Variants in EPHA7 observed in about 807,000 individuals in gnomAD.
EPHA7 encodes the protein ephrin type-A receptor 7.
In EPHA7, 25 loss-of-function variants were observed where a neutral mutation model predicts 112.6. The observed-to-expected ratio is 0.22, with a 90% CI of 0.16 to 0.31. EPHA7 has a LOEUF of 0.31. Among genes scored for constraint, EPHA7 ranks in the 10% least tolerant of loss-of-function variants. The pLI is 1.00. For synonymous variants in EPHA7, 437 were observed against 406.5 expected (o/e 1.07, Z -0.90); for missense variants, 962 against 1,212.6 (o/e 0.79, Z 3.07).
chr6:93,328,927 G>A (rs1007708877), intron 5 of EPHA7, among the ~76,000 whole-genome samples: 1 of 151,176 alleles, frequency 6.6e-6, no homozygotes, highest in African/African-American at 2.4e-5. Context: ...TATTAAGGAG[G>A]GAAGAGAAAA....
chr6:93,327,273 A>C (rs1774368178), intron 5 of EPHA7, among the ~76,000 whole-genome samples: 1 of 151,460 alleles, frequency 6.6e-6, no homozygotes, highest in Non-Finnish European at 1.5e-5. Flanking sequence ...CTGAGCATCA[A>C]ATTGAATTTT....
intron 5 of EPHA7, among the ~76,000 whole-genome samples, chr6:93,298,240 G>A (rs573151560): frequency 6.0e-4 from 91 of 152,244 alleles, no homozygotes; most frequent in Non-Finnish European, 9.3e-4. Context: ...GAATAGATTA[G>A]TGGGAGCCGA....
intron 3 of EPHA7, among the ~76,000 whole-genome samples, chr6:93,393,576 T>A (rs1582658550): frequency 1.3e-5 from 2 of 151,960 alleles, no homozygotes; most frequent in Middle Eastern, 3.4e-3. Context: ...ACATATTTTT[T>A]AAAACCCTAT....
intron 5 of EPHA7, among the ~76,000 whole-genome samples, chr6:93,356,223 C>T (rs1170690870): frequency 8.7e-5 from 13 of 149,486 alleles, no homozygotes; most frequent in African/African-American, 2.2e-4. Context: ...TTTTTTTTTC[C>T]AGAGACAAGA....
intron 3 of EPHA7, among the ~76,000 whole-genome samples, chr6:93,391,357 A>AAC (rs1346915619): frequency 6.6e-6 from 1 of 151,992 alleles, no homozygotes; most frequent in Non-Finnish European, 1.5e-5. Context: ...CAAAAGAGAC[A>AAC]ACTGGCAAGA....
chr6:93,389,426 G>A (rs1252210934), intron 3 of EPHA7, among the ~76,000 whole-genome samples: 2 of 151,988 alleles, frequency 1.3e-5, no homozygotes, highest in Non-Finnish European at 2.9e-5. Flanking sequence ...TCACGTGGTG[G>A]GTTCTGGACT....
chr6:93,258,075 A>T (rs1475267981), intron 11 of EPHA7, 24 bp downstream of exon 11: 1 of 1,595,334 alleles, frequency 6.3e-7, no homozygotes, highest in Non-Finnish European at 8.6e-7. Context: ...TTTTTGATAA[A>T]ATAAAGATAT....
chr6:93,341,498 T>C (rs997369972), intron 5 of EPHA7, among the ~76,000 whole-genome samples: 1 of 151,766 alleles, frequency 6.6e-6, no homozygotes, highest in African/African-American at 2.4e-5. Flanking sequence ...GATAGGAAAG[T>C]ATAAAAAGTG....
At chr6:93,276,744 A>G (rs2127889815) in intron 5 of EPHA7, among the ~76,000 whole-genome samples, 2 of 152,242 alleles carry the variant, frequency 1.3e-5, no homozygotes, top group East Asian at 1.9e-4. Flanking sequence ...GCATGGAATC[A>G]AGGAATATTG....
intron 5 of EPHA7, among the ~76,000 whole-genome samples, chr6:93,346,024 T>A (rs1187680967): frequency 6.6e-6 from 1 of 151,744 alleles, no homozygotes. Context: ...GACAATCTCC[T>A]ATCTTTCACC....
intron 3 of EPHA7, among the ~76,000 whole-genome samples, chr6:93,375,345 G>A (rs1187201057): frequency 6.6e-6 from 1 of 152,028 alleles, no homozygotes; most frequent in Non-Finnish European, 1.5e-5. Context: ...GCCAAGCATG[G>A]TGGCTCACAC....
At chr6:93,352,018 T>C (rs1775719423) in intron 5 of EPHA7, among the ~76,000 whole-genome samples, 1 of 152,146 alleles carries the variant, frequency 6.6e-6, no homozygotes. Flanking sequence ...AAGTCTTTTC[T>C]ATTAATGCCT....
intron 5 of EPHA7, among the ~76,000 whole-genome samples, chr6:93,281,608 A>T (rs1306935838): frequency 2.0e-5 from 3 of 152,166 alleles, no homozygotes; most frequent in Admixed American, 2.0e-4. Context: ...ACACACATAC[A>T]TTAGTTAATG....
At chr6:93,246,660 TG>T (rs1346802828) in intron 15 of EPHA7, 131 bp downstream of exon 15, 1 of 663,914 alleles carries the variant, frequency 1.5e-6, no homozygotes, top group African/African-American at 1.8e-5. Flanking sequence ...CTTCAGTAAA[TG>T]CAATACATTT....
At chr6:93,381,694 C>T (rs1159545438) in intron 3 of EPHA7, among the ~76,000 whole-genome samples, 1 of 151,274 alleles carries the variant, frequency 6.6e-6, no homozygotes, top group African/African-American at 2.4e-5. Flanking sequence ...CAATTACATC[C>T]TGGAATTCTG....
intron 5 of EPHA7, among the ~76,000 whole-genome samples, chr6:93,330,000 T>C (rs1226907578): frequency 6.6e-6 from 1 of 151,374 alleles, no homozygotes; most frequent in Admixed American, 6.6e-5. Context: ...AACTATATTT[T>C]GGAGGAATTG....
chr6:93,325,678 G>A (rs930933385), intron 5 of EPHA7, among the ~76,000 whole-genome samples: 6 of 151,334 alleles, frequency 4.0e-5, no homozygotes, highest in Non-Finnish European at 7.4e-5. Context: ...GAAAACAGGT[G>A]TACATTTAAC....
intron 16 of EPHA7, 82 bp downstream of exon 16, chr6:93,245,216 A>T: frequency 1.5e-6 from 2 of 1,292,246 alleles, no homozygotes; most frequent in Non-Finnish European, 1.1e-6. Flanking sequence ...AATTCTTTTA[A>T]TATAAAGAAG....
chr6:93,294,974 A>G (rs1404971999), intron 5 of EPHA7, among the ~76,000 whole-genome samples: 2 of 152,098 alleles, frequency 1.3e-5, no homozygotes, highest in Non-Finnish European at 2.9e-5. Context: ...TTTCTAAGAA[A>G]AATTTCCAAA....
Sources: allele counts gnomAD v4.1 joint callset (sites outside exome capture counted in the v4.1 genomes callset), GRCh38; gene constraint gnomAD v4.1.1; transcripts MANE v1.5; gene names NCBI Gene and HGNC (gene_info 2026-07-23, HGNC 2026-07-21).